The following FGD4 variants were observed in gnomAD, a reference collection of about 807,000 sequenced individuals.
FGD4 encodes FYVE, RhoGEF and PH domain containing 4, also known as FYVE, RhoGEF and PH domain-containing protein 4.
FGD4 carries 42 observed loss-of-function variants against 102.0 expected under a neutral mutation model. The observed-to-expected ratio is 0.41, with a 90% CI of 0.32 to 0.53. FGD4 has a LOEUF of 0.53. Among genes scored for constraint, FGD4 ranks in the 20% least tolerant of loss-of-function variants. The pLI is 0.21. For missense variants in FGD4, 902 were observed against 1,078.2 expected (o/e 0.84, Z 2.29); for synonymous variants, 380 against 375.7 (o/e 1.01, Z -0.13).
intron 1 of FGD4, among the ~76,000 whole-genome samples, chr12:32,438,692 A>G (rs1809913): frequency 0.33 from 50,058 of 149,648 alleles, 9,251 homozygotes; most frequent in African/African-American, 0.49. Context: ...TGCAACCTCC[A>G]CCTCCCGGGT....
intron 1 of FGD4, among the ~76,000 whole-genome samples, chr12:32,514,838 G>C (rs182583170): frequency 1.3e-5 from 2 of 152,282 alleles, no homozygotes; most frequent in Admixed American, 6.5e-5. Flanking sequence ...TTGTTTAAAA[G>C]GGATGCATAC....
In FGD4 at chr12:32,535,188, A is replaced by T. The variant is rs370200762; in HGVS notation, c.167-28949A>T. ...GAAATGTCTGCTAAAAATATTTTTA[A>T]TCACTGAAATGGGTTCATTTTGTTT... On this transcript the variant is annotated intron_variant, in intron 1 of 16. Transcript: ENST00000534526. Among the ~76,000 whole-genome samples, 12 of 152,346 alleles carry T rather than the reference A, an allele frequency of 7.9e-5. No homozygotes were observed. In the South Asian group the frequency reaches 1.0e-3, roughly 13 times the overall value.
intron 1 of FGD4, among the ~76,000 whole-genome samples, chr12:32,555,431 C>T (rs1052447133): frequency 1.2e-4 from 18 of 151,950 alleles, no homozygotes; most frequent in South Asian, 2.1e-4. Context: ...AATCTGGAGA[C>T]GGGTGAGGTC....
intron 1 of FGD4, among the ~76,000 whole-genome samples, chr12:32,533,715 G>A (rs1274731562): frequency 1.3e-5 from 2 of 152,164 alleles, no homozygotes; most frequent in Non-Finnish European, 2.9e-5. Context: ...GTTAGCCGCC[G>A]CGCCTGGCTT....
rs190185550 is a variant in FGD4 at position 32,413,095 on chromosome 12, A to T, written c.166+13136A>T. 1.3e-3 allele frequency among the ~76,000 whole-genome samples: 194 copies of T among 151,356 alleles called. 1 individual carries two copies. The highest frequency in any genetic ancestry group is 4.3e-3 in the African/African-American group (178 of 41,210). ...CTGTCTCCAAAAAAAAATTTTTTTT[A>T]AATTATAGCCAATTTGATTAAAAAT... On this transcript the variant is annotated intron_variant, in intron 1 of 16. Coordinates refer to ENST00000534526, the MANE Select transcript of FGD4 (RefSeq NM_001370298.3).
intron 1 of FGD4, among the ~76,000 whole-genome samples, chr12:32,541,962 G>GAA (rs113379614): frequency 2.1e-4 from 31 of 148,062 alleles, no homozygotes; most frequent in African/African-American, 3.2e-4. Context: ...TTTCCTCAGG[G>GAA]AAAAAAAAAA....
rs931925358 is a variant in FGD4 at position 32,622,008 on chromosome 12, C to T, written c.1922+2138C>T. On this transcript the variant is annotated intron_variant, in intron 11 of 16. Transcript: ENST00000534526. ...GTTCAAGCGATTTTTGTGCCTCAGC[C>T]TCCCGAGTAGCTGGGACTATAGGTG... is the stretch of plus-strand genomic sequence containing the variant. Among the ~76,000 whole-genome samples the T allele has an allele frequency of 2.6e-5, 4 of 152,056 alleles. No individual in the cohort carries two copies. The South Asian group carries it at 8.3e-4, about 32-fold the overall frequency.
chr12:32,399,870 G>C lies in FGD4; in HGVS notation c.77G>C (p.Gly26Ala). ...TCCAACCCCTCCTACCTGCCGCCCGGGGTGCCCCGGCCCTGGAGCAGGCCC... is the reference window on the plus strand; with the variant it reads ...TCCAACCCCTCCTACCTGCCGCCCGCGGTGCCCCGGCCCTGGAGCAGGCCC... ...RKSNPSYLPP[G>A]VPRPWSRPAS... Residue 26 changes from glycine (G) to alanine (A), a missense_variant, in exon 1 of 17, where the codon GGG (glycine) becomes GCG (alanine). Transcript: ENST00000534526. 6.5e-7 allele frequency: 1 copy of C among 1,531,348 alleles called. No homozygotes were observed. The allele number at this position is 1,531,348 out of a possible 1,614,324, so 94.9% of individuals were successfully genotyped here.
intron 1 of FGD4, among the ~76,000 whole-genome samples, chr12:32,478,908 G>T (rs1565765283): frequency 6.6e-6 from 1 of 152,152 alleles, no homozygotes; most frequent in Non-Finnish European, 1.5e-5. Flanking sequence ...CCATCCCAGT[G>T]TCAAACTTCC....
At chr12:32,551,857 C>T (rs370302045) in intron 1 of FGD4, among the ~76,000 whole-genome samples, 5 of 152,164 alleles carry the variant, frequency 3.3e-5, no homozygotes, top group Middle Eastern at 3.4e-3. Context: ...TAGGCTCTGG[C>T]GAAAAAATGT....
intron 1 of FGD4, among the ~76,000 whole-genome samples, chr12:32,497,739 C>T (rs190728529): frequency 2.2e-4 from 34 of 152,234 alleles, no homozygotes; most frequent in African/African-American, 7.9e-4. Context: ...AATTGTGTGC[C>T]GTTGTGCAGG....
At chr12:32,526,055 G>A (rs1013958193) in intron 1 of FGD4, among the ~76,000 whole-genome samples, 1 of 152,254 alleles carries the variant, frequency 6.6e-6, no homozygotes, top group African/African-American at 2.4e-5. Flanking sequence ...TGAGGAATGC[G>A]AGCGCAGGGG....
chr12:32,620,017 T>C (rs921406771), intron 11 of FGD4, 147 bp downstream of exon 11: 5 of 967,638 alleles, frequency 5.2e-6, no homozygotes, highest in Middle Eastern at 2.2e-4. Context: ...CTGTAGGTTC[T>C]TGAAAAGCAG....
intron 1 of FGD4, among the ~76,000 whole-genome samples, chr12:32,532,245 ATCTC>A (rs936857511): frequency 1.7e-4 from 26 of 152,324 alleles, no homozygotes; most frequent in African/African-American, 5.3e-4. Flanking sequence ...TGAATGTGGT[ATCTC>A]TCTCAAAATA....
chr12:32,529,858 T>TAA (rs530797820), intron 1 of FGD4, among the ~76,000 whole-genome samples: 7,315 of 140,806 alleles, frequency 0.052, 255 homozygotes, highest in South Asian at 0.1. Context: ...AAAAAAAAAT[T>TAA]TAAAAAAAAA....
Position 32,507,664 on chromosome 12 carries a change from C to T in FGD4, c.167-56473C>T, listed in dbSNP as rs1214440018. Among the ~76,000 whole-genome samples, 3 of 152,154 alleles carry T rather than the reference C, an allele frequency of 2.0e-5. No homozygotes were observed. The East Asian group carries it at 5.8e-4, about 29-fold the overall frequency. On this transcript the variant is annotated intron_variant, in intron 1 of 16. Transcript: ENST00000534526. ...GAACGCATTTACCAGTGGTTAAGAG[C>T]AGCAGTTTTAAAGTTGAGCAGACCT...
intron 3 of FGD4, among the ~76,000 whole-genome samples, chr12:32,577,784 A>G (rs1946250508): frequency 1.3e-5 from 2 of 152,166 alleles, no homozygotes; most frequent in Non-Finnish European, 1.5e-5. Flanking sequence ...AATTGACTTG[A>G]TAACAACAGA....
chr12:32,574,505 T>C (rs1178502530), intron 2 of FGD4, among the ~76,000 whole-genome samples: 1 of 152,194 alleles, frequency 6.6e-6, no homozygotes, highest in Admixed American at 6.5e-5. Flanking sequence ...ATTACACTTA[T>C]ATAAGCCCCA....
At position 32,577,833 on chromosome 12, in the gene FGD4, A is replaced by G. The variant is rs1203508754; in HGVS notation, c.503+1384A>G. ...TTTGCAAATTCCAGGGGCCATGCCT[A>G]GTGACTGCATAATAGGAGGGGCTGG... On this transcript the variant is annotated intron_variant, in intron 3 of 16. Coordinates refer to ENST00000534526, the MANE Select transcript of FGD4 (RefSeq NM_001370298.3). Among the ~76,000 whole-genome samples, 3 of 152,176 alleles carry G rather than the reference A, an allele frequency of 2.0e-5. No individual in the cohort carries two copies. In the East Asian group the frequency reaches 5.8e-4, roughly 29 times the overall value.
Sources: gnomAD v4.1 joint callset for allele counts (sites outside exome capture counted in the v4.1 genomes callset) on GRCh38, gnomAD v4.1.1 for gene constraint, MANE v1.5 for transcripts, NCBI Gene and HGNC (gene_info 2026-07-23, HGNC 2026-07-21) for gene names.